The following CLMN variants were observed in gnomAD, a reference collection of about 807,000 sequenced individuals.
CLMN encodes the protein calmin (calponin-like, transmembrane).
A neutral mutation model predicts 92.7 loss-of-function variants in CLMN; 57 were observed. The observed-to-expected ratio is 0.61, with a 90% confidence interval of 0.50 to 0.77. The LOEUF (loss-of-function observed/expected upper bound fraction) is 0.77, where lower values mean the gene tolerates loss of function less well. Ranked by LOEUF, CLMN falls within the 30% of genes least tolerant of loss-of-function variation. The pLI is 0.00. For synonymous variants in CLMN, 466 were observed against 470.6 expected (o/e 0.99, Z 0.13); for missense variants, 1,158 against 1,237.5 (o/e 0.94, Z 0.96).
intron 2 of CLMN, among the ~76,000 whole-genome samples, chr14:95,225,670 C>G (rs1897688180): frequency 6.6e-6 from 1 of 152,226 alleles, no homozygotes; most frequent in South Asian, 2.1e-4. Flanking sequence ...CACTCACTCA[C>G]TTTCTGGGTT....
intron 1 of CLMN, among the ~76,000 whole-genome samples, chr14:95,295,124 C>G (rs996434631): frequency 1.3e-5 from 2 of 152,242 alleles, no homozygotes; most frequent in African/African-American, 4.8e-5. Flanking sequence ...CTTGGAGTTT[C>G]CTACTGGGCT....
chr14:95,210,036 A>G (rs1006514155), intron 7 of CLMN, among the ~76,000 whole-genome samples: 6 of 151,594 alleles, frequency 4.0e-5, no homozygotes, highest in Admixed American at 2.0e-4. Flanking sequence ...AATGTCTACC[A>G]GTAGTGGAAG....
At chr14:95,249,684 C>T (rs916500648) in intron 1 of CLMN, among the ~76,000 whole-genome samples, 9 of 152,024 alleles carry the variant, frequency 5.9e-5, no homozygotes, top group East Asian at 3.9e-4. Context: ...CTCCGCCTTC[C>T]GGATTCAAGC....
Position 95,185,428 on chromosome 14 carries a change from G to A in CLMN, c.*6136C>T, listed in dbSNP as rs3814816. ...TCCCAGCCTTCCACCACCCAACCCA[G>A]GTCCTGGACCTTGTCATTAGGGCAG... On this transcript the variant is annotated 3_prime_UTR_variant, in exon 13 of 13. Coordinates refer to ENST00000298912, the MANE Select transcript of CLMN (RefSeq NM_024734.4). 0.098 allele frequency: 14,946 copies of A among 152,338 alleles called. 965 individuals are homozygous for A. Among genetic ancestry groups the A allele is most frequent in the East Asian group, 0.35 (1,802 of 5,170 alleles). The allele number at this position is 152,338 out of a possible 1,614,324, so 9.4% of individuals were successfully genotyped here. A position where few individuals can be genotyped will look rare whatever the true frequency, so the allele number is the denominator to read the frequency against.
At chr14:95,225,813 C>T (rs765102999) in intron 2 of CLMN, among the ~76,000 whole-genome samples, 2 of 152,156 alleles carry the variant, frequency 1.3e-5, no homozygotes, top group Non-Finnish European at 2.9e-5. Flanking sequence ...CCAGAAGCCC[C>T]CTGGGCTTTC....
rs1176434971 is a variant in CLMN, at chr14:95,294,494, G to C, written c.82+25217C>G. Among the ~76,000 whole-genome samples the C allele has an allele frequency of 6.6e-6, 1 of 152,134 alleles. No individual in the cohort carries two copies. Among genetic ancestry groups the C allele is most frequent in the African/African-American group, 2.4e-5 (1 of 41,418 alleles). On this transcript the variant is annotated intron_variant, in intron 1 of 12. Coordinates refer to ENST00000298912, the MANE Select transcript of CLMN (RefSeq NM_024734.4). The surrounding 1 kb of genome is among the most constrained non-coding windows in gnomAD (Gnocchi z 4.2). ...GGGAAGGATCCTGTCCAACAGAAAG[G>C]CCCTGGAGACAGACCTGCATCCACA... is the stretch of plus-strand genomic sequence containing the variant.
In CLMN at chr14:95,196,517, C is replaced by T. The variant is rs746570921; in HGVS notation, c.2689G>A (p.Asp897Asn). Residue 897 changes from aspartate to asparagine, a missense_variant, in exon 10 of 13, where the codon GAC becomes AAC. Physicochemically the swap from Asp to Asn is conservative, Grantham distance 23. Transcript: ENST00000298912. ...AAATACCTGGAAGGAATGCTGTAGT[C>T]GCTACTGTCTTCTTCTAGGTCATCT... The part of the protein sequence containing the change: ...SSDDLEEDSS[D>N]YSIPSRTSHS... 1.6e-5 allele frequency: 26 copies of T among 1,611,692 alleles called. No individual in the cohort carries two copies. The highest frequency in any genetic ancestry group is 2.7e-5 in the African/African-American group (2 of 74,744).
In CLMN at chr14:95,227,939, G is replaced by A. The variant is rs191936463; in HGVS notation, c.144+2133C>T. On this transcript the variant is annotated intron_variant, in intron 2 of 12. Coordinates refer to ENST00000298912, the MANE Select transcript of CLMN (RefSeq NM_024734.4). ...TCTTGAAAGTCTCAAGGTTGGAAAC[G>A]TGGCTGTTAATTTTGCCCTGTTTAT... Among the ~76,000 whole-genome samples, 10 of 152,308 alleles carry A rather than the reference G, an allele frequency of 6.6e-5. No homozygotes were observed. The East Asian group carries it at 7.7e-4, about 12-fold the overall frequency.
chr14:95,196,734 G>C, intron 9 of CLMN, 40 bp from the exon 10 acceptor site: 1 of 1,586,810 alleles, frequency 6.3e-7, no homozygotes. Context: ...AGTATGTCAC[G>C]CTGCAGTGTA....
chr14:95,319,846 A>T lies in CLMN; in HGVS notation c.-54T>A. 1 of 1,092,440 alleles carries T rather than the reference A, an allele frequency of 9.2e-7. No homozygotes were observed. The highest frequency in any genetic ancestry group is 1.1e-6 in the Non-Finnish European group (1 of 896,946). 67.7% of individuals were successfully genotyped at this position (1,092,440 alleles called of 1,614,324 possible). ...CGCGGCGCGGGCGGCGGGCGCGGAG[A>T]GCCTGGCTGGCGGGCGCGCGAGCGG... On this transcript the variant is annotated 5_prime_UTR_variant, in exon 1 of 13. Coordinates refer to ENST00000298912, the MANE Select transcript of CLMN (RefSeq NM_024734.4).
chr14:95,221,173 C>T (rs953064935), intron 4 of CLMN, among the ~76,000 whole-genome samples: 1 of 151,720 alleles, frequency 6.6e-6, no homozygotes, highest in Admixed American at 6.6e-5. Flanking sequence ...GCTGAGCCAC[C>T]CCCTCCCCTC....
At chr14:95,213,853 T>C (rs1040428179) in intron 5 of CLMN, among the ~76,000 whole-genome samples, 2 of 152,118 alleles carry the variant, frequency 1.3e-5, no homozygotes, top group East Asian at 1.9e-4. Flanking sequence ...TTCTGTAAGA[T>C]ATGCAGAACC....
At chr14:95,296,793 G>T (rs879336110) in intron 1 of CLMN, among the ~76,000 whole-genome samples, 2 of 152,180 alleles carry the variant, frequency 1.3e-5, no homozygotes, top group Non-Finnish European at 2.9e-5. Context: ...GATGCACAGC[G>T]GGCCACACCA....
At position 95,224,369 on chromosome 14, in the gene CLMN, G is replaced by A. The variant is rs1019038100; in HGVS notation, c.145-514C>T. Among the ~76,000 whole-genome samples, 6 of 152,020 alleles carry A rather than the reference G, an allele frequency of 3.9e-5. No individual in the cohort carries two copies. The East Asian group carries it at 5.8e-4, about 15-fold the overall frequency. On this transcript the variant is annotated intron_variant, in intron 2 of 12. Coordinates refer to ENST00000298912, the MANE Select transcript of CLMN (RefSeq NM_024734.4). ...ACAATTTTGGCTCACTGCAACCTCC[G>A]CCTCCCGGGTTCAAGTGATTCTCCT...
intron 1 of CLMN, among the ~76,000 whole-genome samples, chr14:95,289,834 T>G (rs1019759117): frequency 2.6e-5 from 4 of 152,188 alleles, no homozygotes; most frequent in Non-Finnish European, 4.4e-5. Flanking sequence ...AAATCCCCAC[T>G]GGCTGCCTTA....
chr14:95,232,397 A>G (rs1310824431), intron 1 of CLMN, among the ~76,000 whole-genome samples: 1 of 152,272 alleles, frequency 6.6e-6, no homozygotes, highest in Admixed American at 6.5e-5. Context: ...GCAGGAGAGC[A>G]AAGCTTATGG....
chr14:95,319,821 C>A lies in CLMN; in HGVS notation c.-29G>T. ...GCGCGGGCGGGAGAGCCCGGGCCAGCGCGGCGCGGGCGGCGGGCGCGGAGA... is the reference window on the plus strand; with the variant it reads ...GCGCGGGCGGGAGAGCCCGGGCCAGAGCGGCGCGGGCGGCGGGCGCGGAGA... On this transcript the variant is annotated 5_prime_UTR_variant, in exon 1 of 13. Transcript: ENST00000298912. The A allele has an allele frequency of 7.6e-7, 1 of 1,311,478 alleles. No homozygotes were observed. Among genetic ancestry groups the A allele is most frequent in the Non-Finnish European group, 9.8e-7 (1 of 1,017,570 alleles). The allele number at this position is 1,311,478 out of a possible 1,614,324, so 81.2% of individuals were successfully genotyped here. A position where few individuals can be genotyped will look rare whatever the true frequency, so the allele number is the denominator to read the frequency against.
At chr14:95,208,683 T>C (rs970017175) in intron 8 of CLMN, among the ~76,000 whole-genome samples, 6 of 152,240 alleles carry the variant, frequency 3.9e-5, no homozygotes, top group African/African-American at 1.4e-4. Context: ...ATGTAAATAG[T>C]TCCCCCCTTA....
chr14:95,292,816 G>A (rs1261947071), intron 1 of CLMN, among the ~76,000 whole-genome samples: 1 of 152,128 alleles, frequency 6.6e-6, no homozygotes, highest in Admixed American at 6.5e-5. Flanking sequence ...GCGAGATGAA[G>A]CTCCAAAAGC....
Sources: gnomAD v4.1 joint callset for allele counts (sites outside exome capture counted in the v4.1 genomes callset) on GRCh38, gnomAD v4.1.1 for gene constraint, Gnocchi (gnomAD v3.1) non-coding constraint, MANE v1.5 for transcripts, NCBI Gene and HGNC (gene_info 2026-07-23, HGNC 2026-07-21) for gene names.